CACNA2D3: variants seen among roughly 807,000 people sequenced by gnomAD.
The protein encoded by CACNA2D3 is calcium voltage-gated channel auxiliary subunit alpha2delta 3.
Under a neutral mutation model 160.6 loss-of-function variants are expected in CACNA2D3, and 60 were observed. The observed-to-expected ratio is 0.37, with a 90% CI of 0.30 to 0.46. The LOEUF (loss-of-function observed/expected upper bound fraction) is 0.46, where lower values mean the gene tolerates loss of function less well. Among genes scored for constraint, CACNA2D3 ranks in the 20% least tolerant of loss-of-function variants. The probability of loss-of-function intolerance (pLI) is 1.00; values close to 1 mark genes in which losing one functional copy is unlikely to be tolerated. For missense variants in CACNA2D3, 1,205 were observed against 1,365.0 expected (o/e 0.88, Z 1.85); for synonymous variants, 558 against 492.9 (o/e 1.13, Z -1.75).
At chr3:54,162,005 C>CT (rs36114708) in intron 2 of CACNA2D3, among the ~76,000 whole-genome samples, 1 of 152,154 alleles carries the variant, frequency 6.6e-6, no homozygotes, top group Non-Finnish European at 1.5e-5. Context: ...CCTGGAGGGG[C>CT]TCGGGTCATG....
At chr3:54,925,407 C>A (rs1700986554) in intron 27 of CACNA2D3, among the ~76,000 whole-genome samples, 1 of 152,184 alleles carries the variant, frequency 6.6e-6, no homozygotes, top group Non-Finnish European at 1.5e-5. Context: ...AGTGTCATTA[C>A]CTTCTGCAGT....
intron 12 of CACNA2D3, among the ~76,000 whole-genome samples, chr3:54,757,262 G>A (rs1701989912): frequency 6.6e-6 from 1 of 152,096 alleles, no homozygotes. Flanking sequence ...ATCAGTCATC[G>A]TCAGGTCCAA....
chr3:54,627,978 A>G (rs997651639), intron 10 of CACNA2D3, 102 bp downstream of exon 10: 2 of 781,826 alleles, frequency 2.6e-6, no homozygotes, highest in African/African-American at 3.4e-5. Flanking sequence ...CAGACCTTTA[A>G]TCCCAGCCCT....
At chr3:54,415,195 C>A (rs1455490341) in intron 4 of CACNA2D3, among the ~76,000 whole-genome samples, 1 of 151,984 alleles carries the variant, frequency 6.6e-6, no homozygotes, top group Non-Finnish European at 1.5e-5. Flanking sequence ...ATTGGCAGAC[C>A]CCAGAAATTA....
At chr3:54,383,035 A>C (rs1699129522) in intron 3 of CACNA2D3, among the ~76,000 whole-genome samples, 1 of 151,924 alleles carries the variant, frequency 6.6e-6, no homozygotes, top group Admixed American at 6.6e-5. Flanking sequence ...TTTTGTAGAG[A>C]TGGGGATTTG....
intron 31 of CACNA2D3, among the ~76,000 whole-genome samples, chr3:54,996,093 C>G (rs11714470): frequency 0.12 from 19,024 of 152,230 alleles, 1,690 homozygotes; most frequent in East Asian, 0.46. Flanking sequence ...CTCAGAGGTA[C>G]TAACATTTAT....
Position 54,450,719 on chromosome 3 carries a change from A to G in CACNA2D3, c.382-52773A>G, listed in dbSNP as rs141314583. 2.3e-3 allele frequency among the ~76,000 whole-genome samples: 356 copies of G among 151,916 alleles called. 3 individuals are homozygous for G. The highest frequency in any genetic ancestry group is 8.4e-3 in the African/African-American group (347 of 41,414). On this transcript the variant is annotated intron_variant, in intron 4 of 37. Coordinates refer to ENST00000474759, the MANE Select transcript of CACNA2D3 (RefSeq NM_018398.3). ...CACCATAGTGGAAGGAGCCTGAGGA[A>G]CCTCTTCTTTATAAATTACCCAGCC...
intron 4 of CACNA2D3, among the ~76,000 whole-genome samples, chr3:54,441,564 GCCTATGT>G (rs1337761474): frequency 6.6e-6 from 1 of 152,188 alleles, no homozygotes; most frequent in Non-Finnish European, 1.5e-5. Flanking sequence ...CCTTGCCCAT[GCCTATGT>G]CCTGAATGGT....
At chr3:54,716,212 T>C (rs2106974133) in intron 11 of CACNA2D3, among the ~76,000 whole-genome samples, 1 of 152,254 alleles carries the variant, frequency 6.6e-6, no homozygotes, top group Admixed American at 6.5e-5. Flanking sequence ...ACTGATACAG[T>C]CTTCTATAAG....
At chr3:54,774,336 T>TA (rs1267178767) in intron 13 of CACNA2D3, among the ~76,000 whole-genome samples, 11 of 152,220 alleles carry the variant, frequency 7.2e-5, no homozygotes, top group Middle Eastern at 3.4e-3. Context: ...TCAGGAAACT[T>TA]ACAATCATCG....
In CACNA2D3 at chr3:54,613,722, C is replaced by T. The variant is rs76352818; in HGVS notation, c.964-14065C>T. ...TGGCTCCTTGCTGCATTTCCAGGCTCATGGTGCGCTGTGTTCCTTTTTCCT... is the reference window on the plus strand; with the variant it reads ...TGGCTCCTTGCTGCATTTCCAGGCTTATGGTGCGCTGTGTTCCTTTTTCCT... On this transcript the variant is annotated intron_variant, in intron 9 of 37. Coordinates refer to ENST00000474759, the MANE Select transcript of CACNA2D3 (RefSeq NM_018398.3). Among the ~76,000 whole-genome samples the T allele has an allele frequency of 1.1e-3, 160 of 152,288 alleles. 2 individuals are homozygous for T. In the East Asian group the frequency reaches 0.027, roughly 26 times the overall value.
rs1278390313 is a variant in CACNA2D3 at position 54,399,624 on chromosome 3, C to T, written c.381+12850C>T. Among the ~76,000 whole-genome samples, 13 of 27,722 alleles carry T rather than the reference C, an allele frequency of 4.7e-4. 1 individual carries two copies. The highest frequency in any genetic ancestry group is 7.7e-4 in the Non-Finnish European group (11 of 14,294). 18.2% of individuals were successfully genotyped at this position (27,722 alleles called of 152,430 possible). A position where few individuals can be genotyped will look rare whatever the true frequency, so the allele number is the denominator to read the frequency against. On this transcript the variant is annotated intron_variant, in intron 4 of 37. Transcript: ENST00000474759. ...TGCTGGGGGGTGCCTCCCAGTTAGG[C>T]TGCTCGGGGGTCAGGGGTCAGGGAC...
chr3:54,919,321 A>T (rs1228197231), intron 27 of CACNA2D3, among the ~76,000 whole-genome samples: 2 of 152,230 alleles, frequency 1.3e-5, no homozygotes, highest in African/African-American at 4.8e-5. Flanking sequence ...AAAATAAAAT[A>T]AATGTGCATT....
intron 32 of CACNA2D3, among the ~76,000 whole-genome samples, chr3:55,006,095 C>G (rs1348012054): frequency 6.6e-6 from 1 of 152,194 alleles, no homozygotes; most frequent in Non-Finnish European, 1.5e-5. Flanking sequence ...CTCACTATGT[C>G]TTTCTAACCC....
intron 5 of CACNA2D3, among the ~76,000 whole-genome samples, chr3:54,550,804 G>T (rs1177372444): frequency 6.6e-6 from 1 of 152,174 alleles, no homozygotes; most frequent in Non-Finnish European, 1.5e-5. Flanking sequence ...CCACATGGAT[G>T]CTGGGACAGT....
chr3:54,509,204 G>A (rs918902341), intron 5 of CACNA2D3, among the ~76,000 whole-genome samples: 1 of 152,112 alleles, frequency 6.6e-6, no homozygotes, highest in African/African-American at 2.4e-5. Context: ...GCTATTTGAT[G>A]TGCAAGAAGG....
chr3:55,041,225 T>A (rs559828767), intron 35 of CACNA2D3, among the ~76,000 whole-genome samples: 1 of 152,316 alleles, frequency 6.6e-6, no homozygotes, highest in South Asian at 2.1e-4. Flanking sequence ...TTACACATGA[T>A]CTTACAATGA....
rs576106913 is a variant in CACNA2D3, at chr3:54,369,792, C to G, written c.322-16923C>G. Among the ~76,000 whole-genome samples the G allele has an allele frequency of 6.4e-4, 97 of 152,298 alleles. 1 individual carries two copies. Among genetic ancestry groups the G allele is most frequent in the Admixed American group, 2.1e-3 (32 of 15,302 alleles). On this transcript the variant is annotated intron_variant, in intron 3 of 37. Transcript: ENST00000474759. The stretch of plus-strand genomic sequence containing the variant: ...GGCAAGTCATCACTTTCTTGTTCAA[C>G]CCTTATATCCCTATAACTCAGACCT...
At chr3:54,160,248 C>T (rs1700319260) in intron 2 of CACNA2D3, among the ~76,000 whole-genome samples, 1 of 152,196 alleles carries the variant, frequency 6.6e-6, no homozygotes, top group Non-Finnish European at 1.5e-5. Flanking sequence ...CCTGTAATCC[C>T]GGCACTTTGG....
Sources: gnomAD v4.1 joint callset for allele counts (sites outside exome capture counted in the v4.1 genomes callset) on GRCh38, gnomAD v4.1.1 for gene constraint, MANE v1.5 for transcripts, NCBI Gene and HGNC (gene_info 2026-07-23, HGNC 2026-07-21) for gene names.